Variants in MTRF1 observed in about 807,000 individuals in gnomAD.
MTRF1 encodes peptide chain release factor 1, mitochondrial.
MTRF1 carries 51 observed loss-of-function variants against 62.9 expected under a neutral mutation model. The observed-to-expected ratio is 0.81, with a 90% CI of 0.65 to 1.02. The LOEUF is 1.02. Ranked by LOEUF, MTRF1 falls within the 50% of genes least tolerant of loss-of-function variation. MTRF1 has a pLI of 0.00. For synonymous variants in MTRF1, 158 were observed against 181.9 expected, an observed-to-expected ratio of 0.87 and a Z score of 1.06; for missense variants, 446 against 530.0, an observed-to-expected ratio of 0.84 and a Z score of 1.56.
chr13:41,226,471 C>T lies in MTRF1; in HGVS notation c.1086G>A (p.Glu362=), dbSNP rs752956090. The change falls in exon 8 of 10, where the codon GAG becomes GAA. Residue 362 remains glutamate (E), a synonymous_variant. Transcript: ENST00000379480. ...CACTTTGTTGCTGACGCTTGTCTTT[C>T]TCAATAATCTGCTGGTAGAGTCTAG... ...LRARLYQQII[E]KDKRQQQSAR... 5 of 1,613,248 alleles carry T rather than the reference C, an allele frequency of 3.1e-6. No homozygotes were observed. The African/African-American group carries it at 6.7e-5, about 22-fold the overall frequency.
chr13:41,252,537 A>T, intron 5 of MTRF1, 108 bp downstream of exon 5: 1 of 748,244 alleles, frequency 1.3e-6, no homozygotes, highest in Admixed American at 2.5e-5. Flanking sequence ...TGTTTAGTAG[A>T]TATACACCAA....
intron 5 of MTRF1, among the ~76,000 whole-genome samples, chr13:41,249,048 CTG>C (rs1160628569): frequency 2.0e-5 from 3 of 152,078 alleles, no homozygotes; most frequent in East Asian, 3.8e-4. Flanking sequence ...GTACATGAAA[CTG>C]TTTCTTTTCA....
chr13:41,270,238 AT>A, the MTRF1 span, among the ~76,000 whole-genome samples: 1 of 152,222 alleles, frequency 6.6e-6, no homozygotes, highest in East Asian at 1.9e-4. Context: ...TTTTTATGAC[AT>A]TTCTAACATT....
chr13:41,275,298 T>C, the MTRF1 span, among the ~76,000 whole-genome samples: 1 of 151,850 alleles, frequency 6.6e-6, no homozygotes, highest in Admixed American at 6.6e-5. Context: ...CCTCCCGGGT[T>C]CATGCCATTC....
At chr13:41,225,995 T>C (rs1260143233) in intron 8 of MTRF1, among the ~76,000 whole-genome samples, 1 of 152,174 alleles carries the variant, frequency 6.6e-6, no homozygotes, top group Non-Finnish European at 1.5e-5. Context: ...TTTCTACCCC[T>C]TGTCCCTAGT....
At chr13:41,260,088 T>C (rs889238872) in intron 2 of MTRF1, among the ~76,000 whole-genome samples, 2 of 152,156 alleles carry the variant, frequency 1.3e-5, no homozygotes, top group Admixed American at 1.3e-4. Context: ...CATTGATCTT[T>C]AGTAGCTAAA....
intron 9 of MTRF1, among the ~76,000 whole-genome samples, chr13:41,218,876 A>G (rs2032531123): frequency 6.6e-6 from 1 of 152,214 alleles, no homozygotes; most frequent in African/African-American, 2.4e-5. Context: ...GTATTCCCCA[A>G]AGTACCAGCA....
chr13:41,232,181 T>C (rs566373710), intron 7 of MTRF1, among the ~76,000 whole-genome samples: 1 of 151,516 alleles, frequency 6.6e-6, no homozygotes, highest in Non-Finnish European at 1.5e-5. Flanking sequence ...AAAATTAATA[T>C]CCTTCAGTAA....
the MTRF1 span, among the ~76,000 whole-genome samples, chr13:41,291,924 A>G: frequency 6.6e-6 from 1 of 152,182 alleles, no homozygotes; most frequent in Non-Finnish European, 1.5e-5. Flanking sequence ...AAAATTAGAA[A>G]TCTAAAAGAG....
chr13:41,305,627 C>G, the MTRF1 span, among the ~76,000 whole-genome samples: 1 of 152,204 alleles, frequency 6.6e-6, no homozygotes, highest in Non-Finnish European at 1.5e-5. Context: ...CTTCGTCATA[C>G]CAATCTTCTT....
chr13:41,286,377 C>T, the MTRF1 span, among the ~76,000 whole-genome samples: 2 of 152,104 alleles, frequency 1.3e-5, no homozygotes, highest in Non-Finnish European at 2.9e-5. Flanking sequence ...TGCTCAAAAC[C>T]AAGATAGAAA....
chr13:41,254,293 T>C (rs2039440586), intron 3 of MTRF1, among the ~76,000 whole-genome samples: 2 of 152,332 alleles, frequency 1.3e-5, no homozygotes, highest in Admixed American at 1.3e-4. Context: ...GCTTAACAAG[T>C]TAACAGACTC....
At chr13:41,307,526 A>C in the MTRF1 span, among the ~76,000 whole-genome samples, 1 of 151,934 alleles carries the variant, frequency 6.6e-6, no homozygotes, top group East Asian at 1.9e-4. Context: ...CAGGAGGCTG[A>C]GGCAGGAGGA....
chr13:41,235,656 C>T (rs900377538), intron 6 of MTRF1: 1 of 152,612 alleles, frequency 6.6e-6, no homozygotes, highest in African/African-American at 2.4e-5. Flanking sequence ...CCTGGAGCAA[C>T]CAGAAGCTGG....
the MTRF1 span, among the ~76,000 whole-genome samples, chr13:41,290,445 G>A: frequency 6.8e-6 from 1 of 148,052 alleles, no homozygotes; most frequent in African/African-American, 2.5e-5. Flanking sequence ...CCAGGCTGGA[G>A]TGCAGTGGCA....
At chr13:41,236,844 C>A (rs1317133469) in intron 6 of MTRF1, among the ~76,000 whole-genome samples, 1 of 152,162 alleles carries the variant, frequency 6.6e-6, no homozygotes, top group African/African-American at 2.4e-5. Flanking sequence ...GCAGATAAAG[C>A]ATTTTAAATG....
chr13:41,240,496 A>C, intron 5 of MTRF1, 63 bp from the exon 6 acceptor site: 2 of 1,487,178 alleles, frequency 1.3e-6, no homozygotes, highest in Non-Finnish European at 1.8e-6. Context: ...AGGATCCTAA[A>C]TGTCCTTAAT....
chr13:41,310,336 G>C, the MTRF1 span, among the ~76,000 whole-genome samples: 1 of 152,156 alleles, frequency 6.6e-6, no homozygotes, highest in Non-Finnish European at 1.5e-5. Context: ...ACCATCTGAA[G>C]AGAAAGGGTA....
At position 41,254,831 on chromosome 13, in the gene MTRF1, G is replaced by T. The variant is rs143380839; in HGVS notation, c.416-211C>A. 2.0e-5 allele frequency among the ~76,000 whole-genome samples: 3 copies of T among 151,640 alleles called. No individual in the cohort carries two copies. The South Asian group carries it at 6.2e-4, about 31-fold the overall frequency. On this transcript the variant is annotated intron_variant, in intron 2 of 9. Transcript: ENST00000379480. ...ACTCAATGTGAAAAGCAATATAATC[G>T]TGCTTCCCAAAACCTTGTGTTTTTT... is the stretch of plus-strand genomic sequence containing the variant.
Sources: allele counts gnomAD v4.1 joint callset (sites outside exome capture counted in the v4.1 genomes callset), GRCh38; gene constraint gnomAD v4.1.1; transcripts MANE v1.5; gene names NCBI Gene and HGNC (gene_info 2026-07-23, HGNC 2026-07-21).